FREM2: variants seen among roughly 807,000 people sequenced by gnomAD.
FREM2 encodes FRAS1 related extracellular matrix 2.
FREM2 carries 119 observed loss-of-function variants against 219.9 expected under a neutral mutation model. The ratio of observed to expected loss-of-function variants is 0.54; its 90% CI spans 0.47 to 0.63. The LOEUF (loss-of-function observed/expected upper bound fraction) is 0.63. Among genes scored for constraint, FREM2 ranks in the 30% least tolerant of loss-of-function variants. The probability of loss-of-function intolerance (pLI) is 0.00; values close to 1 mark genes in which losing one functional copy is unlikely to be tolerated. For synonymous variants in FREM2, 1,562 were observed against 1,522.8 expected, an observed-to-expected ratio of 1.03 and a Z score of -0.60; for missense variants, 4,030 against 3,993.6, an observed-to-expected ratio of 1.01 and a Z score of -0.25.
At chr13:38,790,686 A>G (rs547906193) in intron 6 of FREM2, among the ~76,000 whole-genome samples, 1 of 152,196 alleles carries the variant, frequency 6.6e-6, no homozygotes, top group Admixed American at 6.5e-5. Flanking sequence ...TACAAAAGTA[A>G]TTGCGGTTTT....
chr13:38,718,646 CTT>C (rs888094956), intron 2 of FREM2, among the ~76,000 whole-genome samples: 4 of 149,890 alleles, frequency 2.7e-5, no homozygotes, highest in Non-Finnish European at 5.9e-5. Flanking sequence ...CTCCCTCTCT[CTT>C]TTTCTTTCAC....
In FREM2 at chr13:38,783,063, T is replaced by C; in HGVS notation, c.5642-7T>C. The C allele has an allele frequency of 5.0e-6, 8 of 1,613,330 alleles. No homozygotes were observed. Among genetic ancestry groups the C allele is most frequent in the Non-Finnish European group, 6.8e-6 (8 of 1,179,878 alleles). On this transcript the variant is annotated splice_polypyrimidine_tract_variant and splice_region_variant and intron_variant, in intron 4 of 23. Coordinates refer to ENST00000280481, the MANE Select transcript of FREM2 (RefSeq NM_207361.6). ...AAATAATGCTTGCAATTGTGTTTTC[T>C]CTCTAGAGCCAACTGTGTTTATTCC...
At chr13:38,873,067 A>T in intron 17 of FREM2, 133 bp downstream of exon 17, 1 of 756,750 alleles carries the variant, frequency 1.3e-6, no homozygotes, top group Non-Finnish European at 2.2e-6. Context: ...CTATAATAAG[A>T]TAATTTCACC....
chr13:38,719,604 GC>G (rs1871144695), intron 2 of FREM2, among the ~76,000 whole-genome samples: 1 of 152,124 alleles, frequency 6.6e-6, no homozygotes, highest in Non-Finnish European at 1.5e-5. Context: ...ATTCTGTTGG[GC>G]TCACCCAGAC....
intron 6 of FREM2, among the ~76,000 whole-genome samples, chr13:38,832,583 A>G (rs1593434566): frequency 6.6e-6 from 1 of 152,174 alleles, no homozygotes; most frequent in Non-Finnish European, 1.5e-5. Context: ...TTAATAAGAT[A>G]TAATAATTTT....
At chr13:38,832,906 A>G (rs965838250) in intron 6 of FREM2, among the ~76,000 whole-genome samples, 3 of 152,020 alleles carry the variant, frequency 2.0e-5, no homozygotes, top group Non-Finnish European at 2.9e-5. Context: ...GGGTGTGGTC[A>G]TGCACGCTTG....
intron 2 of FREM2, among the ~76,000 whole-genome samples, chr13:38,711,216 C>T (rs1311533668): frequency 2.0e-5 from 3 of 152,136 alleles, no homozygotes; most frequent in Non-Finnish European, 4.4e-5. Context: ...CCACCAGCTC[C>T]CTTTCCCTTC....
At chr13:38,746,993 C>T (rs1178099056) in intron 2 of FREM2, among the ~76,000 whole-genome samples, 2 of 152,080 alleles carry the variant, frequency 1.3e-5, no homozygotes, top group Non-Finnish European at 2.9e-5. Context: ...TATTCTAGTG[C>T]AGACCTTGCT....
At chr13:38,803,785 TGA>T (rs1875114741) in intron 6 of FREM2, among the ~76,000 whole-genome samples, 1 of 149,464 alleles carries the variant, frequency 6.7e-6, no homozygotes, top group Non-Finnish European at 1.5e-5. Context: ...GGCAACATGG[TGA>T]GCTCTGTGGT....
At chr13:38,775,534 C>T (rs1873838953) in intron 4 of FREM2, among the ~76,000 whole-genome samples, 1 of 152,204 alleles carries the variant, frequency 6.6e-6, no homozygotes, top group South Asian at 2.1e-4. Context: ...ATAAAACTTG[C>T]ATCATGAAAA....
chr13:38,759,116 A>C (rs1873131677), intron 2 of FREM2, among the ~76,000 whole-genome samples: 3 of 152,160 alleles, frequency 2.0e-5, no homozygotes, highest in African/African-American at 7.2e-5. Flanking sequence ...TCTCATATAA[A>C]TATCTATATC....
intron 6 of FREM2, among the ~76,000 whole-genome samples, chr13:38,809,633 T>A (rs756318858): frequency 7.9e-5 from 12 of 152,084 alleles, no homozygotes; most frequent in Non-Finnish European, 1.8e-4. Flanking sequence ...GAGTTTACTG[T>A]AGGTGTACGG....
At chr13:38,704,907 G>A (rs1161438973) in intron 2 of FREM2, among the ~76,000 whole-genome samples, 3 of 152,100 alleles carry the variant, frequency 2.0e-5, no homozygotes, top group African/African-American at 7.2e-5. Context: ...CAGATCTCAT[G>A]AGAACTCACT....
In FREM2 at chr13:38,880,714, C is replaced by A; in HGVS notation, c.9437C>A (p.Ala3146Asp). 1 of 1,614,134 alleles carries A rather than the reference C, an allele frequency of 6.2e-7. No homozygotes were observed. The highest frequency in any genetic ancestry group is 8.5e-7 in the Non-Finnish European group (1 of 1,180,014). The change falls in exon 24 of 24, where the codon GCC becomes GAC. Residue 3146 changes from alanine (A) to aspartate (D), a missense_variant. Physicochemically the swap from Ala to Asp is moderately radical, Grantham distance 126. Coordinates refer to ENST00000280481, the MANE Select transcript of FREM2 (RefSeq NM_207361.6). ...RGKESFRGKDAPKGSSSSEPM... is the reference protein window; with the variant it reads ...RGKESFRGKDDPKGSSSSEPM... ...AAGGAAAGTTTCAGGGGGAAGGATG[C>A]CCCGAAAGGCTCCAGCAGCAGTGAG...
intron 2 of FREM2, among the ~76,000 whole-genome samples, chr13:38,699,927 T>C (rs1448577471): frequency 6.6e-6 from 1 of 152,188 alleles, no homozygotes; most frequent in East Asian, 1.9e-4. Context: ...AGTAGGCATA[T>C]CTATAAGTCA....
intron 2 of FREM2, among the ~76,000 whole-genome samples, chr13:38,734,838 C>T (rs1871919800): frequency 6.6e-6 from 1 of 150,772 alleles, no homozygotes; most frequent in Admixed American, 6.7e-5. Context: ...CCTCTACCTC[C>T]CAGGTTTAAC....
Position 38,861,508 on chromosome 13 carries a change from G to T in FREM2, c.7597G>T (p.Asp2533Tyr). ...SAKLRYTGPE[D>Y]ADYTNLIKLT... is the part of the protein sequence containing the mutation. ...TAAATTGCGCTACACAGGCCCTGAG[G>T]ATGCAGACTACACAAACCTTATCAA... Residue 2533 changes from aspartate (D) to tyrosine (Y), a missense_variant, in exon 15 of 24, where the codon GAT (aspartate) becomes TAT (tyrosine). Around this residue, in one of 2 missense-constraint regions of FREM2, gnomAD observed 928 missense variants for 1,042.9 expected, o/e 0.89. Transcript: ENST00000280481. 1 of 1,613,746 alleles carries T rather than the reference G, an allele frequency of 6.2e-7. No individual in the cohort carries two copies. Among genetic ancestry groups the T allele is most frequent in the African/African-American group, 1.3e-5 (1 of 74,882 alleles).
In FREM2 at chr13:38,691,047, C is replaced by G. The variant is rs151214132; in HGVS notation, c.3703C>G (p.His1235Asp). 1.4e-4 allele frequency: 230 copies of G among 1,614,030 alleles called. No homozygotes were observed. Among genetic ancestry groups the G allele is most frequent in the Non-Finnish European group, 1.9e-4 (222 of 1,180,038 alleles). The stretch of plus-strand genomic sequence containing the variant: ...TTTCACTATTACCCAATTCCCCACT[C>G]ATGGTCACATCATGAATCAGCTGAT... ...LTFTITQFPT[H>D]GHIMNQLING... is the part of the protein sequence containing the mutation. The change falls in exon 1 of 24, where the codon CAT becomes GAT. Residue 1235 changes from histidine (H) to aspartate (D), a missense_variant. This residue lies in a region of FREM2 where 3,102 missense variants were observed against 2,950.7 expected (regional missense o/e 1.05). Coordinates refer to ENST00000280481, the MANE Select transcript of FREM2 (RefSeq NM_207361.6).
intron 6 of FREM2, among the ~76,000 whole-genome samples, chr13:38,821,172 G>C (rs578040945): frequency 6.6e-6 from 1 of 152,100 alleles, no homozygotes; most frequent in African/African-American, 2.4e-5. Context: ...ACAGATAGGT[G>C]TTATGTTTTC....
Sources: allele counts gnomAD v4.1 joint callset (sites outside exome capture counted in the v4.1 genomes callset), GRCh38; gene constraint gnomAD v4.1.1; regional missense constraint gnomAD v4.1.1; transcripts MANE v1.5; gene names NCBI Gene and HGNC (gene_info 2026-07-23, HGNC 2026-07-21).